Variants in LTAP1 observed in about 807,000 individuals in gnomAD.
LTAP1 encodes HCV NS5A-transactivated protein 4.
the LTAP1 span, among the ~76,000 whole-genome samples, chr1:154,211,485 C>T: frequency 6.6e-6 from 1 of 151,194 alleles, no homozygotes; most frequent in Non-Finnish European, 1.5e-5. Context: ...TACAGGCACG[C>T]ACCACCATGC....
chr1:154,212,260 G>A, the LTAP1 span: 2 of 1,562,854 alleles, frequency 1.3e-6, no homozygotes, highest in Non-Finnish European at 1.8e-6. Flanking sequence ...TCACTGCACT[G>A]TGGCAACAGT....
the LTAP1 span, among the ~76,000 whole-genome samples, chr1:154,208,055 G>A: frequency 6.6e-6 from 1 of 151,388 alleles, no homozygotes; most frequent in Non-Finnish European, 1.5e-5. Context: ...CCAAGATTGC[G>A]CCACTGCACT....
At chr1:154,212,542 G>C in the LTAP1 span, 10 of 1,614,194 alleles carry the variant, frequency 6.2e-6, no homozygotes, top group Non-Finnish European at 8.5e-6. Flanking sequence ...GCGTACTAGT[G>C]TTTCGCAGAT....
the LTAP1 span, chr1:154,220,459 G>A: frequency 1.2e-6 from 2 of 1,608,180 alleles, no homozygotes; most frequent in Non-Finnish European, 1.7e-6. Context: ...TGTCCTGGCT[G>A]GTCAGCCCAG....
the LTAP1 span, among the ~76,000 whole-genome samples, chr1:154,214,965 C>T: frequency 1.3e-5 from 2 of 152,088 alleles, no homozygotes; most frequent in East Asian, 3.9e-4. Context: ...CTGCCTCAGC[C>T]TCCAGAGTAG....
chr1:154,220,534 A>G, the LTAP1 span: 7 of 928,014 alleles, frequency 7.5e-6, no homozygotes, highest in African/African-American at 9.9e-5. Flanking sequence ...ACGGGGGAAG[A>G]CCAAGCCAGA....
chr1:154,208,734 G>T, the LTAP1 span, among the ~76,000 whole-genome samples: 1 of 152,102 alleles, frequency 6.6e-6, no homozygotes, highest in African/African-American at 2.4e-5. Flanking sequence ...AACATTCCTA[G>T]AAACTACAAA....
chr1:154,219,985 TTG>T, the LTAP1 span: 6 of 1,408,202 alleles, frequency 4.3e-6, no homozygotes, highest in Non-Finnish European at 5.7e-6. Flanking sequence ...CAGTTTTGTT[TTG>T]TTTTTTTTTT....
the LTAP1 span, among the ~76,000 whole-genome samples, chr1:154,207,827 G>A: frequency 2.0e-5 from 3 of 152,050 alleles, no homozygotes; most frequent in Non-Finnish European, 2.9e-5. Flanking sequence ...GAGGCTGAGC[G>A]CGGTGGCTCA....
At chr1:154,213,747 A>T in the LTAP1 span, 1 of 583,596 alleles carries the variant, frequency 1.7e-6, no homozygotes, top group Non-Finnish European at 3.0e-6. Context: ...CAAAATCTCT[A>T]ATCTAGTACT....
At chr1:154,207,669 G>C in the LTAP1 span, 1 of 1,567,224 alleles carries the variant, frequency 6.4e-7, no homozygotes, top group Non-Finnish European at 8.6e-7. Context: ...GAGAGGGGAG[G>C]TCATTGACAG....
At chr1:154,207,367 G>T in the LTAP1 span, 1 of 1,305,410 alleles carries the variant, frequency 7.7e-7, no homozygotes, top group Non-Finnish European at 1.1e-6. Flanking sequence ...TGCTGGGCCA[G>T]ATGTTCCGAG....
chr1:154,214,693 T>C, the LTAP1 span: 1 of 646,734 alleles, frequency 1.5e-6, no homozygotes, highest in East Asian at 2.6e-5. Flanking sequence ...CATGCTCATG[T>C]AGTTAATAAA....
the LTAP1 span, chr1:154,212,784 C>A: frequency 1.8e-5 from 13 of 702,728 alleles, no homozygotes; most frequent in Non-Finnish European, 3.0e-5. Context: ...GTCTCAGCCT[C>A]CTGATTAGCT....
At chr1:154,206,754 T>C in the LTAP1 span, 1,059 of 160,670 alleles carry the variant, frequency 6.6e-3, 4 homozygotes, top group Middle Eastern at 0.015. Flanking sequence ...ATTAAATAAT[T>C]TATAAAGTCA....
chr1:154,212,193 T>C, the LTAP1 span: 2 of 1,037,178 alleles, frequency 1.9e-6, no homozygotes, highest in South Asian at 1.3e-5. Flanking sequence ...GATCTAATAG[T>C]CTAGAACCTG....
At chr1:154,210,062 G>C in the LTAP1 span, among the ~76,000 whole-genome samples, 1 of 151,380 alleles carries the variant, frequency 6.6e-6, no homozygotes, top group African/African-American at 2.4e-5. Flanking sequence ...TCATCTTTTC[G>C]AGACAGACTC....
At chr1:154,209,872 G>C in the LTAP1 span, among the ~76,000 whole-genome samples, 1 of 151,892 alleles carries the variant, frequency 6.6e-6, no homozygotes, top group Non-Finnish European at 1.5e-5. Flanking sequence ...TTACAGGCGT[G>C]AGCCACCACA....
the LTAP1 span, among the ~76,000 whole-genome samples, chr1:154,218,040 T>G: frequency 1.3e-5 from 2 of 152,106 alleles, no homozygotes. Flanking sequence ...CATGATCTTC[T>G]GGCCTCAGCC....
Sources: allele counts gnomAD v4.1 joint callset (sites outside exome capture counted in the v4.1 genomes callset), GRCh38; gene constraint gnomAD v4.1.1; transcripts MANE v1.5; gene names NCBI Gene and HGNC (gene_info 2026-07-23, HGNC 2026-07-21).